The following EIF2A variants were observed in gnomAD, a reference collection of about 807,000 sequenced individuals.
The protein encoded by EIF2A is 65 kDa eukaryotic translation initiation factor 2A.
EIF2A carries 62 observed loss-of-function variants against 75.2 expected under a neutral mutation model. The observed-to-expected ratio is 0.82, with a 90% CI of 0.67 to 1.02. The LOEUF (loss-of-function observed/expected upper bound fraction) is 1.02. Among genes scored for constraint, EIF2A ranks in the 50% least tolerant of loss-of-function variants. The pLI, the probability that EIF2A is intolerant of heterozygous loss-of-function variation, is 0.00. For synonymous variants in EIF2A, 207 were observed against 239.0 expected (o/e 0.87, Z 1.23); for missense variants, 611 against 677.7 (o/e 0.90, Z 1.09).
At chr3:150,567,569 AG>A in intron 6 of EIF2A, 123 bp from the exon 7 acceptor site, 1 of 682,650 alleles carries the variant, frequency 1.5e-6, no homozygotes, top group Non-Finnish European at 2.5e-6. Flanking sequence ...GTATCTCACC[AG>A]GAGGAGACTA....
At chr3:150,564,166 A>G (rs949683710) in intron 5 of EIF2A, 133 bp from the exon 6 acceptor site, 6 of 670,276 alleles carry the variant, frequency 9.0e-6, no homozygotes, top group Non-Finnish European at 1.4e-5. Context: ...CTGACTTAAT[A>G]TCATATTTAT....
chr3:150,576,903 A>C (rs1724903522), intron 11 of EIF2A, among the ~76,000 whole-genome samples: 2 of 152,354 alleles, frequency 1.3e-5, no homozygotes, highest in South Asian at 4.1e-4. Context: ...TGTATAGCTC[A>C]TGGTGATAAT....
chr3:150,547,563 G>C (rs1723107487), intron 1 of EIF2A, among the ~76,000 whole-genome samples: 1 of 152,108 alleles, frequency 6.6e-6, no homozygotes, highest in Admixed American at 6.5e-5. Context: ...TGAGTATTAC[G>C]TAAGGAAAAG....
Position 150,585,560 on chromosome 3 carries a change from G to C in EIF2A, c.*1649G>C, listed in dbSNP as rs1295410393. ...AAATATTTTGGAGCTCCTTCTATAT[G>C]AGTCTCTCTCTCTTATCTCTCTCAG... On this transcript the variant is annotated 3_prime_UTR_variant, in exon 14 of 14. Transcript: ENST00000460851. 6.6e-6 allele frequency: 1 copy of C among 152,114 alleles called. No individual in the cohort carries two copies. Among genetic ancestry groups the C allele is most frequent in the Non-Finnish European group, 1.5e-5 (1 of 68,030 alleles). The allele number at this position is 152,114 out of a possible 1,614,324, so 9.4% of individuals were successfully genotyped here.
chr3:150,569,059 T>TA (rs1333708822), intron 9 of EIF2A, among the ~76,000 whole-genome samples: 1 of 152,182 alleles, frequency 6.6e-6, no homozygotes, highest in East Asian at 1.9e-4. Context: ...ATCTATGTTT[T>TA]AAAAAAACTA....
At chr3:150,563,415 C>A in intron 4 of EIF2A, 100 bp from the exon 5 acceptor site, 1 of 896,790 alleles carries the variant, frequency 1.1e-6, no homozygotes, top group Non-Finnish European at 1.7e-6. Context: ...CATGATTTAA[C>A]CCATTTGATA....
intron 2 of EIF2A, chr3:150,557,635 G>A: frequency 3.0e-6 from 1 of 336,164 alleles, no homozygotes; most frequent in South Asian, 2.1e-5. Context: ...CCAACCTCAG[G>A]TGATCCGCCT....
Position 150,572,512 on chromosome 3 carries a change from A to G in EIF2A, c.1366A>G (p.Ile456Val), listed in dbSNP as rs1724594390. ...YRPPALRNKP[I>V]TNSKLHEEEP... is the part of the protein sequence containing the mutation. The stretch of plus-strand genomic sequence containing the variant: ...ACCCCCAGCTTTAAGAAATAAACCA[A>G]TCACCAATTCCAAATTGGTAAGTAA... Residue 456 changes from isoleucine (I) to valine (V), a missense_variant, in exon 10 of 14, where the codon ATC becomes GTC. Ile to Val is a conservative substitution (Grantham distance 29). Coordinates refer to ENST00000460851, the MANE Select transcript of EIF2A (RefSeq NM_032025.5). The G allele has an allele frequency of 6.2e-7, 1 of 1,603,796 alleles. No homozygotes were observed. Among genetic ancestry groups the G allele is most frequent in the Non-Finnish European group, 8.5e-7 (1 of 1,175,948 alleles).
chr3:150,560,784 C>T (rs534030310), intron 3 of EIF2A, among the ~76,000 whole-genome samples: 4 of 137,134 alleles, frequency 2.9e-5, no homozygotes, highest in African/African-American at 1.1e-4. Flanking sequence ...TCAGGCCAAA[C>T]TGATTTCAAA....
At chr3:150,569,480 A>G (rs1724384053) in intron 9 of EIF2A, among the ~76,000 whole-genome samples, 1 of 152,104 alleles carries the variant, frequency 6.6e-6, no homozygotes, top group Non-Finnish European at 1.5e-5. Context: ...TGAACACACA[A>G]GAATATTTTG....
intron 11 of EIF2A, among the ~76,000 whole-genome samples, chr3:150,578,510 G>A (rs919904764): frequency 1.3e-5 from 2 of 151,472 alleles, no homozygotes; most frequent in African/African-American, 4.9e-5. Context: ...TGATCAGCTG[G>A]GCTGATCAGT....
chr3:150,573,424 T>G (rs1039432544), intron 10 of EIF2A, among the ~76,000 whole-genome samples: 5 of 152,104 alleles, frequency 3.3e-5, no homozygotes, highest in Admixed American at 1.3e-4. Context: ...GCTAATTTTT[T>G]TATTTTTAGT....
chr3:150,582,481 AT>A (rs545021611), intron 12 of EIF2A, among the ~76,000 whole-genome samples: 1 of 151,652 alleles, frequency 6.6e-6, no homozygotes, highest in African/African-American at 2.4e-5. Context: ...CACCTGGCTA[AT>A]TTTTTGTATT....
At chr3:150,580,900 G>C (rs1361162515) in intron 11 of EIF2A, among the ~76,000 whole-genome samples, 3 of 152,224 alleles carry the variant, frequency 2.0e-5, no homozygotes, top group African/African-American at 7.2e-5. Flanking sequence ...AGGATGCTGA[G>C]AGATTTCATC....
At position 150,584,064 on chromosome 3, in the gene EIF2A, TTAA is replaced by T. The variant is rs1422998908; in HGVS notation, c.*158_*160del. On this transcript the variant is annotated 3_prime_UTR_variant, in exon 14 of 14. Transcript: ENST00000460851. ...AAGATTCTACTAAGTGTAAAATTAT[TTAA>T]TAATGTCTATTAAATTGATATTTAT... 27 of 651,408 alleles carry T rather than the reference TTAA, an allele frequency of 4.1e-5. No individual in the cohort carries two copies. Among genetic ancestry groups the T allele is most frequent in the Middle Eastern group, 6.4e-4 (2 of 3,132 alleles). The allele number at this position is 651,408 out of a possible 1,614,324, so 40.4% of individuals were successfully genotyped here. A position where few individuals can be genotyped will look rare whatever the true frequency, so the allele number is the denominator to read the frequency against.
chr3:150,561,915 C>T (rs963074222), intron 3 of EIF2A, among the ~76,000 whole-genome samples: 4 of 151,478 alleles, frequency 2.6e-5, no homozygotes, highest in Non-Finnish European at 4.4e-5. Context: ...CCCACTGCCA[C>T]GCCCGGCTAA....
chr3:150,583,417 T>C (rs766889086), intron 13 of EIF2A, among the ~76,000 whole-genome samples, 152 bp downstream of exon 13: 4 of 152,256 alleles, frequency 2.6e-5, no homozygotes, highest in Admixed American at 2.0e-4. Context: ...TTTTTACTTT[T>C]AAATAGCTTT....
chr3:150,573,316 G>A (rs939514261), intron 10 of EIF2A, among the ~76,000 whole-genome samples: 3 of 152,164 alleles, frequency 2.0e-5, no homozygotes, highest in African/African-American at 7.2e-5. Context: ...GCAGTGGCGC[G>A]ATCTCTGCTC....
Position 150,584,791 on chromosome 3 carries a change from T to C in EIF2A, c.*880T>C, listed in dbSNP as rs1214167242. Among the ~76,000 whole-genome samples the C allele has an allele frequency of 6.6e-6, 1 of 152,196 alleles. No homozygotes were observed. The highest frequency in any genetic ancestry group is 1.5e-5 in the Non-Finnish European group (1 of 68,036). On this transcript the variant is annotated 3_prime_UTR_variant, in exon 14 of 14. Coordinates refer to ENST00000460851, the MANE Select transcript of EIF2A (RefSeq NM_032025.5). ...ATTTTTCTGTTTGGATGTTTGACTT[T>C]CTTCTTAATTTGTAAGAGTATCCTA...
Sources: gnomAD v4.1 joint callset for allele counts (sites outside exome capture counted in the v4.1 genomes callset) on GRCh38, gnomAD v4.1.1 for gene constraint, MANE v1.5 for transcripts, NCBI Gene and HGNC (gene_info 2026-07-23, HGNC 2026-07-21) for gene names.